Variants in THBS2 observed in about 807,000 individuals in gnomAD.
THBS2 encodes the protein thrombospondin 2, also known as thrombospondin-2.
A neutral mutation model predicts 135.2 loss-of-function variants in THBS2; 47 were observed. The ratio of observed to expected loss-of-function variants is 0.35; its 90% CI spans 0.28 to 0.44. The LOEUF is 0.44. THBS2 is among the 20% of genes least tolerant of loss of function. The probability of loss-of-function intolerance (pLI) is 1.00; values close to 1 mark genes in which losing one functional copy is unlikely to be tolerated. For synonymous variants in THBS2, 639 were observed against 633.8 expected (o/e 1.01, Z -0.12); for missense variants, 1,288 against 1,603.1 (o/e 0.80, Z 3.36).
chr6:169,237,671 G>A lies in THBS2; in HGVS notation c.1254C>T (p.Pro418=). 1 of 1,613,020 alleles carries A rather than the reference G, an allele frequency of 6.2e-7. No individual in the cohort carries two copies. The highest frequency in any genetic ancestry group is 8.5e-7 in the Non-Finnish European group (1 of 1,179,948). Residue 418 remains proline, a synonymous_variant, in exon 8 of 22, where the codon CCC becomes CCT. Coordinates refer to ENST00000617924, the MANE Select transcript of THBS2 (RefSeq NM_003247.5). ...CDVTSNTCLG[P]SIQTRACSLS... The stretch of plus-strand genomic sequence containing the variant: ...GACTGCAAGCCCGTGTCTGGATGGA[G>A]GGCCCCAAGCAGGTGTTGCTGGTGA...
chr6:169,241,089 G>C lies in THBS2; in HGVS notation c.892-497C>G, dbSNP rs1780274222. Among the ~76,000 whole-genome samples the C allele has an allele frequency of 6.9e-6, 1 of 144,644 alleles. No homozygotes were observed. The allele number at this position is 144,644 out of a possible 152,430, so 94.9% of individuals were successfully genotyped here. The stretch of plus-strand genomic sequence containing the variant: ...GACTCCTGCCCCTGCCGCCCTCCCT[G>C]CCCTGGGCTCCATCTCCTGGCATCA... On this transcript the variant is annotated intron_variant, in intron 5 of 21. Coordinates refer to ENST00000617924, the MANE Select transcript of THBS2 (RefSeq NM_003247.5). This position sits in a 1 kb window ranked among gnomAD's most constrained non-coding sequence, Gnocchi z 5.5.
chr6:169,220,325 A>T lies in THBS2; in HGVS notation c.3384T>A (p.His1128Gln). Reference sequence around the variant, plus strand: ...AGTCTGCCATGACCTGTTTTCCTTCATGCACTAAGACTCTAAAAATGGTGT... The same window carrying T: ...AGTCTGCCATGACCTGTTTTCCTTCTTGCACTAAGACTCTAAAAATGGTGT... Reference protein sequence around the residue: ...PKTGYIRVLVHEGKQVMADSG... With the variant: ...PKTGYIRVLVQEGKQVMADSG... The change falls in exon 21 of 22, where the codon CAT becomes CAA. Residue 1128 changes from histidine (H) to glutamine (Q), a missense_variant. By Grantham distance (24) the His-to-Gln change is conservative (BLOSUM62 0). Transcript: ENST00000617924. The T allele has an allele frequency of 6.2e-7, 1 of 1,612,454 alleles. No homozygotes were observed. Among genetic ancestry groups the T allele is most frequent in the Non-Finnish European group, 8.5e-7 (1 of 1,179,408 alleles).
Position 169,223,304 on chromosome 6 carries a change from C to T in THBS2, c.2945G>A (p.Arg982His), listed in dbSNP as rs1477536579. The T allele has an allele frequency of 8.1e-6, 13 of 1,614,128 alleles. No homozygotes were observed. The highest frequency in any genetic ancestry group is 1.1e-5 in the South Asian group (1 of 91,078). ...TTQIDPNWVI[R>H]HQGKELVQTA... The stretch of plus-strand genomic sequence containing the variant: ...CTGAACCAGCTCCTTGCCTTGATGG[C>T]GAATGACCCAGTTGGGATCAATTTG... Residue 982 changes from arginine to histidine, a missense_variant, in exon 18 of 22, where the codon CGC becomes CAC. By Grantham distance (29) the Arg-to-His change is conservative (BLOSUM62 0). Coordinates refer to ENST00000617924, the MANE Select transcript of THBS2 (RefSeq NM_003247.5).
intron 21 of THBS2, 83 bp from the exon 22 acceptor site, chr6:169,217,912 GA>G: frequency 7.7e-7 from 1 of 1,292,946 alleles, no homozygotes; most frequent in Non-Finnish European, 1.1e-6. Context: ...CCTAGAACCA[GA>G]AATATAATTA....
chr6:169,221,644 G>C (rs750756294), intron 19 of THBS2, 117 bp from the exon 20 acceptor site: 55 of 808,362 alleles, frequency 6.8e-5, no homozygotes, highest in Middle Eastern at 3.1e-4. Context: ...TAAGGCTCAT[G>C]GTGCTCCATA....
rs114654618 is a variant in THBS2 at position 169,226,642 on chromosome 6, T to C, written c.2420-344A>G. On this transcript the variant is annotated intron_variant, in intron 15 of 21. Transcript: ENST00000617924. Reference sequence around the variant, plus strand: ...CTCCCTAATACCCACTTGGAAAGTATGTGTTGAGTTCCCAGGAGTTTATCA... The same window carrying C: ...CTCCCTAATACCCACTTGGAAAGTACGTGTTGAGTTCCCAGGAGTTTATCA... Among the ~76,000 whole-genome samples the C allele has an allele frequency of 3.3e-3, 503 of 152,338 alleles. 4 individuals are homozygous for C. Among genetic ancestry groups the C allele is most frequent in the African/African-American group, 0.011 (478 of 41,576 alleles).
rs1780541290 is a variant in THBS2, at chr6:169,245,947, T to C, written c.694+250A>G. On this transcript the variant is annotated intron_variant, in intron 4 of 21. Transcript: ENST00000617924. Reference sequence around the variant, plus strand: ...CCAGCTATTTATATTTTGTCTTCTATAATAAAATTATTTGGATGATTAAAA... The same window carrying C: ...CCAGCTATTTATATTTTGTCTTCTACAATAAAATTATTTGGATGATTAAAA... 2.3e-5 allele frequency: 8 copies of C among 354,102 alleles called. No homozygotes were observed. In the South Asian group the frequency reaches 6.4e-4, roughly 28 times the overall value. The allele number at this position is 354,102 out of a possible 1,614,324, so 21.9% of individuals were successfully genotyped here. A position where few individuals can be genotyped will look rare whatever the true frequency, so the allele number is the denominator to read the frequency against.
chr6:169,249,151 ATC>A (rs1780672151), intron 2 of THBS2, among the ~76,000 whole-genome samples, 178 bp from the exon 3 acceptor site: 1 of 152,070 alleles, frequency 6.6e-6, no homozygotes, highest in Non-Finnish European at 1.5e-5. Context: ...AAAAGCCACT[ATC>A]CTCCGTGCCA....
At chr6:169,244,829 G>A (rs935995016) in intron 4 of THBS2, among the ~76,000 whole-genome samples, 2 of 152,122 alleles carry the variant, frequency 1.3e-5, no homozygotes, top group African/African-American at 2.4e-5. Flanking sequence ...CGTGGTGGGG[G>A]TGACAGTTGG....
At chr6:169,226,855 G>A (rs73238296) in intron 15 of THBS2, among the ~76,000 whole-genome samples, 3,342 of 152,248 alleles carry the variant, frequency 0.022, 123 homozygotes, top group African/African-American at 0.075. Flanking sequence ...AATGTTACAC[G>A]GCAGCGAGTC....
chr6:169,232,998 G>A lies in THBS2; in HGVS notation c.1671C>T (p.Pro557=), dbSNP rs61736308. Residue 557 remains proline (P), a synonymous_variant, in exon 11 of 22, where the codon CCC becomes CCT. Coordinates refer to ENST00000617924, the MANE Select transcript of THBS2 (RefSeq NM_003247.5). ...TGCTGCACTGGGCTCCCGGGAAGCAGGGGTTGGATAAACAGCCATCTGGGT... is the reference window on the plus strand; with the variant it reads ...TGCTGCACTGGGCTCCCGGGAAGCAAGGGTTGGATAAACAGCCATCTGGGT... The part of the protein sequence containing the change: ...SCPVDGCLSN[P]CFPGAQCSSF... 1 of 1,544,406 alleles carries A rather than the reference G, an allele frequency of 6.5e-7. No homozygotes were observed. The highest frequency in any genetic ancestry group is 8.7e-7 in the Non-Finnish European group (1 of 1,148,268).
Position 169,237,184 on chromosome 6 carries a change from C to T in THBS2, c.1463G>A (p.Gly488Asp), listed in dbSNP as rs1291714867. The T allele has an allele frequency of 1.2e-6, 2 of 1,607,952 alleles. No homozygotes were observed. The highest frequency in any genetic ancestry group is 1.7e-6 in the Non-Finnish European group (2 of 1,179,236). The change falls in exon 9 of 22, where the codon GGC (glycine) becomes GAC (aspartate). Residue 488 changes from glycine to aspartate, a missense_variant. Physicochemically the swap from Gly to Asp is moderately conservative, Grantham distance 94. This residue lies in a region of THBS2 where 874 missense variants were observed against 1,156.1 expected (regional missense o/e 0.76). Transcript: ENST00000617924. ...ACCGTACTTACTTGGGCATGGGGCGCCCTGGCAGGCTTTGGTCTCCCGGCC... is the reference window on the plus strand; with the variant it reads ...ACCGTACTTACTTGGGCATGGGGCGTCCTGGCAGGCTTTGGTCTCCCGGCC... Reference protein sequence around the residue: ...GSGRETKACQGAPCPIDGRWS... With the variant: ...GSGRETKACQDAPCPIDGRWS...
intron 7 of THBS2, among the ~76,000 whole-genome samples, chr6:169,238,730 C>A (rs1441298616): frequency 2.6e-5 from 4 of 152,206 alleles, no homozygotes; most frequent in African/African-American, 9.7e-5. Context: ...AGTGGCAGAG[C>A]GTGAGCTCTG....
chr6:169,245,209 T>A (rs1780500615), intron 4 of THBS2, among the ~76,000 whole-genome samples: 1 of 152,148 alleles, frequency 6.6e-6, no homozygotes, highest in Non-Finnish European at 1.5e-5. Context: ...ACTGGGGAGC[T>A]CAACATGGCA....
rs932564251 is a variant in THBS2 at position 169,221,892 on chromosome 6, TA to T, written c.3273+304del. Among the ~76,000 whole-genome samples, 10 of 152,342 alleles carry T rather than the reference TA, an allele frequency of 6.6e-5. No individual in the cohort carries two copies. The South Asian group carries it at 8.3e-4, about 13-fold the overall frequency. On this transcript the variant is annotated intron_variant, in intron 19 of 21. Coordinates refer to ENST00000617924, the MANE Select transcript of THBS2 (RefSeq NM_003247.5). ...TTCTCCCTAGCTTCAATTTTTAAAA[TA>T]TTTTTTTCATATTATATCTTTGATC...
chr6:169,242,312 C>T (rs1462965783), intron 4 of THBS2, among the ~76,000 whole-genome samples: 1 of 152,026 alleles, frequency 6.6e-6, no homozygotes, highest in Non-Finnish European at 1.5e-5. Context: ...GCACCAGTGG[C>T]CACGCATGTC....
Position 169,246,258 on chromosome 6 carries a change from T to G in THBS2, c.633A>C (p.Leu211=), listed in dbSNP as rs1278511919. ...HFRGLLQNVH[L]VFENSVEDIL... The stretch of plus-strand genomic sequence containing the variant: ...TATCTTCCACAGAGTTTTCAAACAC[T>G]AGGTGGACGTTCTGAAGCAAACCCT... Residue 211 remains leucine (L), a synonymous_variant, in exon 4 of 22, where the codon CTA becomes CTC. Transcript: ENST00000617924. 6.2e-7 allele frequency: 1 copy of G among 1,613,898 alleles called. No individual in the cohort carries two copies. Among genetic ancestry groups the G allele is most frequent in the South Asian group, 1.1e-5 (1 of 91,078 alleles).
chr6:169,244,949 T>C (rs1320812139), intron 4 of THBS2, among the ~76,000 whole-genome samples: 3 of 152,216 alleles, frequency 2.0e-5, no homozygotes, highest in Admixed American at 2.0e-4. Context: ...ACCTGCAAAG[T>C]GTAACTGAAG....
chr6:169,222,791 T>C (rs1361333921), intron 18 of THBS2, among the ~76,000 whole-genome samples: 1 of 77,286 alleles, frequency 1.3e-5, no homozygotes, highest in African/African-American at 7.0e-5. Context: ...CAAGACTCCA[T>C]CTCAAAAAAA....
Sources: gnomAD v4.1 joint callset for allele counts (sites outside exome capture counted in the v4.1 genomes callset) on GRCh38, gnomAD v4.1.1 for gene constraint, gnomAD v4.1.1 regional missense constraint, Gnocchi (gnomAD v3.1) non-coding constraint, MANE v1.5 for transcripts, NCBI Gene and HGNC (gene_info 2026-07-23, HGNC 2026-07-21) for gene names.